PTPRT: variants seen among roughly 807,000 people sequenced by gnomAD.
PTPRT encodes the protein receptor-type tyrosine-protein phosphatase T.
A neutral mutation model predicts 176.8 loss-of-function variants in PTPRT; 56 were observed. The observed-to-expected ratio is 0.32, with a 90% CI of 0.26 to 0.40. The LOEUF (loss-of-function observed/expected upper bound fraction) is 0.40. Among genes scored for constraint, PTPRT ranks in the 10% least tolerant of loss-of-function variants. The probability of loss-of-function intolerance (pLI) is 1.00; values close to 1 mark genes in which losing one functional copy is unlikely to be tolerated. For synonymous variants in PTPRT, 783 were observed against 739.0 expected, an observed-to-expected ratio of 1.06 and a Z score of -0.96; for missense variants, 1,540 against 1,908.2, an observed-to-expected ratio of 0.81 and a Z score of 3.60.
intron 1 of PTPRT, among the ~76,000 whole-genome samples, chr20:42,937,561 A>G (rs1443249873): frequency 3.9e-5 from 6 of 152,170 alleles, no homozygotes; most frequent in Admixed American, 3.9e-4. Flanking sequence ...ATAAAATCCT[A>G]TAGTTTCTAT....
chr20:42,095,467 C>T (rs1156956902), intron 27 of PTPRT, among the ~76,000 whole-genome samples: 1 of 152,224 alleles, frequency 6.6e-6, no homozygotes, highest in East Asian at 1.9e-4. Context: ...GGTGTTCCCT[C>T]TGCCTGTGAT....
intron 2 of PTPRT, among the ~76,000 whole-genome samples, chr20:42,846,037 C>T (rs2145742411): frequency 6.6e-6 from 1 of 152,276 alleles, no homozygotes; most frequent in Non-Finnish European, 1.5e-5. Flanking sequence ...CGCTACAAGG[C>T]AGCTGAGGGC....
intron 16 of PTPRT, among the ~76,000 whole-genome samples, chr20:42,173,825 A>T (rs1990173034): frequency 6.6e-6 from 1 of 152,210 alleles, no homozygotes; most frequent in African/African-American, 2.4e-5. Context: ...CTTTTTGGTA[A>T]CATGTAGGTT....
chr20:42,956,655 T>C (rs1981662301), intron 1 of PTPRT, among the ~76,000 whole-genome samples: 1 of 151,952 alleles, frequency 6.6e-6, no homozygotes, highest in Non-Finnish European at 1.5e-5. Context: ...CCTAACACAC[T>C]AGAGCACCAA....
intron 1 of PTPRT, among the ~76,000 whole-genome samples, chr20:43,050,885 C>T (rs1464998927): frequency 1.3e-5 from 2 of 152,212 alleles, no homozygotes; most frequent in African/African-American, 4.8e-5. Flanking sequence ...ATCCCATCTC[C>T]TGGGTGCACT....
intron 1 of PTPRT, among the ~76,000 whole-genome samples, chr20:42,940,082 T>C (rs1181808682): frequency 6.6e-6 from 1 of 151,942 alleles, no homozygotes; most frequent in Non-Finnish European, 1.5e-5. Flanking sequence ...TAAAATATAA[T>C]CCCCCCAGGA....
At chr20:42,290,294 CTCCACT>C (rs2057297767) in intron 12 of PTPRT, among the ~76,000 whole-genome samples, 3 of 152,182 alleles carry the variant, frequency 2.0e-5, no homozygotes, top group African/African-American at 7.2e-5. Flanking sequence ...CTCACCCATG[CTCCACT>C]TCCCACTCCA....
intron 6 of PTPRT, among the ~76,000 whole-genome samples, chr20:42,750,782 G>A (rs1254413170): frequency 6.6e-6 from 1 of 152,092 alleles, no homozygotes; most frequent in Non-Finnish European, 1.5e-5. Flanking sequence ...AGTCCTTGAG[G>A]CCAGCTAAGA....
At chr20:42,348,793 G>A (rs1052040401) in intron 11 of PTPRT, among the ~76,000 whole-genome samples, 5 of 152,078 alleles carry the variant, frequency 3.3e-5, no homozygotes, top group Admixed American at 1.3e-4. Context: ...CTTGATTTTT[G>A]AGTCCCTGTG....
At chr20:42,518,542 A>T (rs577703066) in intron 7 of PTPRT, among the ~76,000 whole-genome samples, 3 of 152,092 alleles carry the variant, frequency 2.0e-5, no homozygotes, top group Admixed American at 6.6e-5. Flanking sequence ...AAATTTTTAA[A>T]TGCATTAGAA....
chr20:43,027,622 C>T (rs1288356078), intron 1 of PTPRT, among the ~76,000 whole-genome samples: 4 of 152,074 alleles, frequency 2.6e-5, no homozygotes, highest in Non-Finnish European at 5.9e-5. Flanking sequence ...TGGCCATCTG[C>T]AAGCCAAGGA....
chr20:42,711,064 G>A (rs1227115749), intron 6 of PTPRT, among the ~76,000 whole-genome samples: 1 of 152,182 alleles, frequency 6.6e-6, no homozygotes. Context: ...ACCTAATCCT[G>A]TACTACTATT....
chr20:43,181,300 C>T (rs972736929), intron 1 of PTPRT, among the ~76,000 whole-genome samples: 3 of 152,106 alleles, frequency 2.0e-5, no homozygotes, highest in Non-Finnish European at 4.4e-5. Context: ...AATAGTGAGA[C>T]GATAAAGCCA....
chr20:42,519,467 T>C (rs1486633195), intron 7 of PTPRT, among the ~76,000 whole-genome samples: 2 of 152,158 alleles, frequency 1.3e-5, no homozygotes, highest in East Asian at 3.9e-4. Context: ...ACACAAAATA[T>C]ATAGTAGCTT....
At chr20:42,083,141 G>C (rs1412028925) in intron 29 of PTPRT, among the ~76,000 whole-genome samples, 1 of 64,628 alleles carries the variant, frequency 1.5e-5, no homozygotes, top group Non-Finnish European at 3.1e-5. Flanking sequence ...AAAAAAGCAG[G>C]CTAAAAAACA....
intron 1 of PTPRT, among the ~76,000 whole-genome samples, chr20:43,153,933 C>A (rs1413219819): frequency 6.6e-6 from 1 of 152,106 alleles, no homozygotes; most frequent in Non-Finnish European, 1.5e-5. Context: ...TGTAGAGAAA[C>A]CTCTAGAGAT....
At chr20:42,223,574 G>T (rs567793397) in intron 15 of PTPRT, among the ~76,000 whole-genome samples, 5 of 152,282 alleles carry the variant, frequency 3.3e-5, no homozygotes, top group Middle Eastern at 3.4e-3. Flanking sequence ...TGCCTACATG[G>T]CTGGAAAACA....
chr20:42,771,322 C>T, intron 5 of PTPRT, 113 bp downstream of exon 5: 2 of 920,900 alleles, frequency 2.2e-6, no homozygotes, highest in Non-Finnish European at 1.7e-6. Flanking sequence ...TGTTGTCCCC[C>T]TCTGCATGTC....
At chr20:43,088,704 G>A (rs1299213612) in intron 1 of PTPRT, among the ~76,000 whole-genome samples, 1 of 152,022 alleles carries the variant, frequency 6.6e-6, no homozygotes, top group Admixed American at 6.6e-5. Flanking sequence ...ACACTCTGCC[G>A]GGCCCATCTT....
Sources: allele counts gnomAD v4.1 joint callset (sites outside exome capture counted in the v4.1 genomes callset), GRCh38; gene constraint gnomAD v4.1.1; transcripts MANE v1.5; gene names NCBI Gene and HGNC (gene_info 2026-07-23, HGNC 2026-07-21).